The following FRMD4A variants were observed in gnomAD, a reference collection of about 807,000 sequenced individuals.
The protein encoded by FRMD4A is FERM domain containing 4A.
FRMD4A carries 29 observed loss-of-function variants against 129.1 expected under a neutral mutation model. The ratio of observed to expected loss-of-function variants is 0.22; its 90% CI spans 0.17 to 0.31. The LOEUF (loss-of-function observed/expected upper bound fraction) is 0.31, where lower values mean the gene tolerates loss of function less well. FRMD4A is among the 10% of genes least tolerant of loss of function. The pLI is 1.00. For synonymous variants in FRMD4A, 634 were observed against 571.6 expected, an observed-to-expected ratio of 1.11 and a Z score of -1.56; for missense variants, 1,272 against 1,375.8, an observed-to-expected ratio of 0.92 and a Z score of 1.19.
At chr10:13,988,844 A>G (rs1313770474) in intron 2 of FRMD4A, among the ~76,000 whole-genome samples, 1 of 152,168 alleles carries the variant, frequency 6.6e-6, no homozygotes. Flanking sequence ...ATAACCTATG[A>G]GCATGGACGT....
chr10:14,124,651 G>A (rs1838729588), intron 2 of FRMD4A, among the ~76,000 whole-genome samples: 1 of 152,132 alleles, frequency 6.6e-6, no homozygotes, highest in Admixed American at 6.5e-5. Context: ...ATTCCAGCCT[G>A]GGTGACAGGG....
intron 2 of FRMD4A, among the ~76,000 whole-genome samples, chr10:13,992,503 A>G (rs879281126): frequency 9.2e-5 from 14 of 152,192 alleles, no homozygotes; most frequent in Non-Finnish European, 8.8e-5. Context: ...GCCCCAGTCC[A>G]GGCCAAGAAT....
chr10:13,985,189 T>C (rs888318816), intron 2 of FRMD4A, among the ~76,000 whole-genome samples: 3 of 152,240 alleles, frequency 2.0e-5, no homozygotes, highest in Admixed American at 6.5e-5. Flanking sequence ...AGTGGGAGCT[T>C]AGCTCTGAAG....
chr10:13,680,395 T>C (rs1358362160), intron 15 of FRMD4A, among the ~76,000 whole-genome samples: 4 of 151,608 alleles, frequency 2.6e-5, no homozygotes, highest in Admixed American at 2.0e-4. Context: ...CTTTTGCAAG[T>C]GCAAACCTCT....
intron 2 of FRMD4A, among the ~76,000 whole-genome samples, chr10:13,921,270 C>CTCTTTCTCTCTTTCTTTCTT (rs71388133): frequency 0.014 from 2,067 of 148,018 alleles, 35 homozygotes; most frequent in African/African-American, 0.034. Flanking sequence ...CTCTCTTTCT[C>CTCTTTCTCTCTTTCTTTCTT]TCTTTCTTTC....
chr10:13,706,126 G>A (rs185719105), intron 13 of FRMD4A, among the ~76,000 whole-genome samples: 2 of 152,250 alleles, frequency 1.3e-5, no homozygotes, highest in Admixed American at 1.3e-4. Context: ...TAAGCCCAGG[G>A]CTGGAGCGTC....
chr10:14,138,143 T>C (rs892229884), intron 2 of FRMD4A, among the ~76,000 whole-genome samples: 10 of 152,342 alleles, frequency 6.6e-5, no homozygotes, highest in South Asian at 4.1e-4. Flanking sequence ...GGACCTAGAA[T>C]AAATCAAGAA....
intron 2 of FRMD4A, among the ~76,000 whole-genome samples, chr10:13,933,960 A>C (rs1251871000): frequency 3.3e-5 from 5 of 152,240 alleles, no homozygotes; most frequent in Admixed American, 2.6e-4. Flanking sequence ...CATCCTTGAC[A>C]GCTCTATAAC....
intron 2 of FRMD4A, among the ~76,000 whole-genome samples, chr10:13,901,738 T>A (rs2094821968): frequency 6.6e-6 from 1 of 152,022 alleles, no homozygotes; most frequent in African/African-American, 2.4e-5. Flanking sequence ...GCAATAGGAC[T>A]ATATTGAAAG....
At chr10:14,277,422 C>T (rs1845380033) in intron 2 of FRMD4A, among the ~76,000 whole-genome samples, 1 of 152,128 alleles carries the variant, frequency 6.6e-6, no homozygotes, top group South Asian at 2.1e-4. Flanking sequence ...AAAGGGGACC[C>T]CAGAGAGCTG....
In FRMD4A at chr10:13,706,340, T is replaced by C. The variant is rs570245024; in HGVS notation, c.836+697A>G. ...GCGGCAGACAAAGAGAGGAAAACAGTGGGTATGAGCTGCCCAGACCCCAGC... is the reference window on the plus strand; with the variant it reads ...GCGGCAGACAAAGAGAGGAAAACAGCGGGTATGAGCTGCCCAGACCCCAGC... On this transcript the variant is annotated intron_variant, in intron 13 of 24. Coordinates refer to ENST00000357447, the MANE Select transcript of FRMD4A (RefSeq NM_018027.5). Among the ~76,000 whole-genome samples, 5 of 152,242 alleles carry C rather than the reference T, an allele frequency of 3.3e-5. No homozygotes were observed. The South Asian group carries it at 1.0e-3, about 32-fold the overall frequency.
intron 2 of FRMD4A, among the ~76,000 whole-genome samples, chr10:13,908,978 A>G (rs1217200102): frequency 6.6e-6 from 1 of 152,216 alleles, no homozygotes; most frequent in African/African-American, 2.4e-5. Flanking sequence ...ATTCTCAGTG[A>G]GGCCATCGCT....
chr10:14,073,324 T>G (rs1007509176), intron 2 of FRMD4A, among the ~76,000 whole-genome samples: 2 of 152,298 alleles, frequency 1.3e-5, no homozygotes, highest in Admixed American at 6.5e-5. Context: ...ACAGATGGGA[T>G]GAAGCTGGAA....
chr10:14,006,417 C>G (rs548799856), intron 2 of FRMD4A, among the ~76,000 whole-genome samples: 1 of 152,120 alleles, frequency 6.6e-6, no homozygotes, highest in Non-Finnish European at 1.5e-5. Flanking sequence ...TACTATATTC[C>G]CATATTGTCA....
At chr10:13,691,325 C>T in intron 15 of FRMD4A, among the ~76,000 whole-genome samples, 1 of 152,204 alleles carries the variant, frequency 6.6e-6, no homozygotes, top group East Asian at 1.9e-4. Flanking sequence ...TCAATTTCAT[C>T]TCAGGAGGTT....
chr10:13,792,678 C>T (rs4750416), intron 5 of FRMD4A, among the ~76,000 whole-genome samples: 63,835 of 152,054 alleles, frequency 0.42, 14,293 homozygotes, highest in African/African-American at 0.59. Context: ...GGATAGTTCC[C>T]GCCTCTCCAG....
chr10:14,245,567 C>T (rs949685313), intron 2 of FRMD4A, among the ~76,000 whole-genome samples: 2 of 152,186 alleles, frequency 1.3e-5, no homozygotes, highest in South Asian at 2.1e-4. Flanking sequence ...TACCTCAGAA[C>T]GTGAATGTAT....
At chr10:14,308,909 T>C (rs1283321688) in intron 2 of FRMD4A, among the ~76,000 whole-genome samples, 1 of 152,212 alleles carries the variant, frequency 6.6e-6, no homozygotes, top group East Asian at 1.9e-4. Flanking sequence ...ATGCTGCTAA[T>C]ACGGGGAACG....
At chr10:13,824,020 T>C (rs889359052) in intron 3 of FRMD4A, among the ~76,000 whole-genome samples, 9 of 152,104 alleles carry the variant, frequency 5.9e-5, no homozygotes, top group African/African-American at 2.2e-4. Context: ...AAGCTTGCCT[T>C]TTAGCAGGAT....
Sources: gnomAD v4.1 joint callset for allele counts (sites outside exome capture counted in the v4.1 genomes callset) on GRCh38, gnomAD v4.1.1 for gene constraint, MANE v1.5 for transcripts, NCBI Gene and HGNC (gene_info 2026-07-23, HGNC 2026-07-21) for gene names.